The following UBR3 variants were observed in gnomAD, a reference collection of about 807,000 sequenced individuals.
The protein encoded by UBR3 is ubiquitin protein ligase E3 component n-recognin 3.
In UBR3, 85 loss-of-function variants were observed where a neutral mutation model predicts 243.2. The observed-to-expected ratio is 0.35, with a 90% CI of 0.29 to 0.42. The LOEUF is 0.42. Among genes scored for constraint, UBR3 ranks in the 10% least tolerant of loss-of-function variants. The pLI is 1.00. For synonymous variants in UBR3, 748 were observed against 799.8 expected (o/e 0.94, Z 1.09); for missense variants, 1,686 against 2,300.8 (o/e 0.73, Z 5.47).
chr2:169,867,713 A>G (rs2083305570), intron 1 of UBR3, among the ~76,000 whole-genome samples: 1 of 152,246 alleles, frequency 6.6e-6, no homozygotes, highest in South Asian at 2.1e-4. Context: ...AACTGTTTTT[A>G]TATTATGAAA....
chr2:169,844,281 G>T (rs1341490323), intron 1 of UBR3, among the ~76,000 whole-genome samples: 1 of 152,110 alleles, frequency 6.6e-6, no homozygotes, highest in Non-Finnish European at 1.5e-5. Flanking sequence ...TTACAGGCGT[G>T]AGCCACTGCA....
intron 22 of UBR3, among the ~76,000 whole-genome samples, chr2:169,948,432 G>A (rs1007942869): frequency 6.6e-6 from 1 of 151,808 alleles, no homozygotes; most frequent in Non-Finnish European, 1.5e-5. Flanking sequence ...GAAAATCAGC[G>A]CTCTCATTGC....
At chr2:169,996,182 G>T (rs2089470985) in intron 26 of UBR3, among the ~76,000 whole-genome samples, 1 of 152,156 alleles carries the variant, frequency 6.6e-6, no homozygotes, top group African/African-American at 2.4e-5. Context: ...TAATATGCTA[G>T]GCTGACAAGA....
intron 24 of UBR3, among the ~76,000 whole-genome samples, chr2:169,965,303 C>T (rs536339962): frequency 6.6e-6 from 1 of 152,272 alleles, no homozygotes; most frequent in Admixed American, 6.5e-5. Context: ...TCCTCTCCCT[C>T]ATTTGTCAAA....
At chr2:170,007,241 T>C (rs749983554) in intron 28 of UBR3, 51 bp downstream of exon 28, 39 of 1,525,196 alleles carry the variant, frequency 2.6e-5, no homozygotes, top group Non-Finnish European at 2.3e-5. Flanking sequence ...GCTCTGATTT[T>C]CTGCTTTCAT....
intron 24 of UBR3, chr2:169,964,871 T>C (rs747185411): frequency 4.6e-5 from 21 of 456,804 alleles, no homozygotes; most frequent in African/African-American, 2.2e-4. Context: ...CAGGCAAATA[T>C]GATTGCTAGC....
intron 10 of UBR3, among the ~76,000 whole-genome samples, chr2:169,910,252 G>A (rs999538040): frequency 6.6e-6 from 1 of 152,090 alleles, no homozygotes; most frequent in Non-Finnish European, 1.5e-5. Context: ...TGTGAACCCC[G>A]AAGAAAGAAC....
At chr2:169,962,223 A>T (rs759393923) in intron 24 of UBR3, among the ~76,000 whole-genome samples, 7 of 151,746 alleles carry the variant, frequency 4.6e-5, no homozygotes, top group Non-Finnish European at 8.8e-5. Flanking sequence ...CTTTTATTTA[A>T]TTTTGTTATT....
chr2:169,956,446 G>GATC (rs2087300746), intron 23 of UBR3, among the ~76,000 whole-genome samples: 1 of 151,962 alleles, frequency 6.6e-6, no homozygotes, highest in Non-Finnish European at 1.5e-5. Context: ...AGGGAAGAGA[G>GATC]GGGATGGGTA....
At chr2:170,029,576 T>C (rs1315723922) in intron 31 of UBR3, 128 bp downstream of exon 31, 3 of 686,648 alleles carry the variant, frequency 4.4e-6, no homozygotes, top group African/African-American at 3.7e-5. Flanking sequence ...CACAGAAATA[T>C]ATCATAAGAA....
At chr2:169,907,811 T>G (rs938854564) in intron 10 of UBR3, among the ~76,000 whole-genome samples, 2 of 151,992 alleles carry the variant, frequency 1.3e-5, no homozygotes, top group Admixed American at 6.6e-5. Flanking sequence ...GGAGTCTCAC[T>G]CACTGTCACC....
chr2:169,942,351 C>A (rs1489612396), intron 19 of UBR3, 142 bp from the exon 20 acceptor site: 3 of 763,538 alleles, frequency 3.9e-6, no homozygotes, highest in Non-Finnish European at 6.1e-6. Context: ...AGAATAGATA[C>A]CTCTTTGGCA....
chr2:169,923,792 C>T, intron 11 of UBR3, 137 bp from the exon 12 acceptor site: 1 of 772,270 alleles, frequency 1.3e-6, no homozygotes, highest in Non-Finnish European at 2.0e-6. Flanking sequence ...TTGGAATCTG[C>T]ATCTTCTAAA....
At chr2:169,896,342 C>G (rs937275632) in intron 7 of UBR3, among the ~76,000 whole-genome samples, 165 bp from the exon 8 acceptor site, 1 of 151,224 alleles carries the variant, frequency 6.6e-6, no homozygotes, top group Non-Finnish European at 1.5e-5. Context: ...GCAAATGTTC[C>G]AAAAAAGTGA....
At chr2:169,952,611 C>G (rs1292034363) in intron 23 of UBR3, among the ~76,000 whole-genome samples, 1 of 152,086 alleles carries the variant, frequency 6.6e-6, no homozygotes, top group Admixed American at 6.5e-5. Flanking sequence ...AGGAGAATTG[C>G]TTGAACCTGG....
intron 5 of UBR3, 57 bp from the exon 6 acceptor site, chr2:169,891,108 A>C: frequency 7.4e-7 from 1 of 1,344,786 alleles, no homozygotes; most frequent in Non-Finnish European, 1.0e-6. Context: ...GCACATTTAT[A>C]AAGTGTATCA....
intron 24 of UBR3, chr2:169,964,594 G>A (rs2087725520): frequency 1.6e-5 from 6 of 386,052 alleles, no homozygotes; most frequent in Middle Eastern, 3.7e-4. Context: ...ACGTTTGATT[G>A]CTTTAGTTTT....
At chr2:170,035,252 C>T (rs1022774899) in intron 31 of UBR3, among the ~76,000 whole-genome samples, 1 of 151,662 alleles carries the variant, frequency 6.6e-6, no homozygotes, top group Admixed American at 6.6e-5. Context: ...ATTGCCATAC[C>T]CAAGGTTATC....
intron 8 of UBR3, among the ~76,000 whole-genome samples, chr2:169,904,005 A>T (rs1189467263): frequency 6.6e-6 from 1 of 152,208 alleles, no homozygotes. Flanking sequence ...TATAAATAGC[A>T]CATCTATAAA....
Sources: gnomAD v4.1 joint callset for allele counts (sites outside exome capture counted in the v4.1 genomes callset) on GRCh38, gnomAD v4.1.1 for gene constraint, MANE v1.5 for transcripts, NCBI Gene and HGNC (gene_info 2026-07-23, HGNC 2026-07-21) for gene names.